LRP1B: variants seen among roughly 807,000 people sequenced by gnomAD.
LRP1B encodes the protein LDL receptor related protein 1B, also known as low-density lipoprotein receptor-related protein 1B.
In LRP1B, 217 loss-of-function variants were observed where a neutral mutation model predicts 556.6. The observed-to-expected ratio is 0.39, with a 90% CI of 0.35 to 0.44. The LOEUF is 0.44. Ranked by LOEUF, LRP1B falls within the 20% of genes least tolerant of loss-of-function variation. LRP1B has a pLI of 1.00. For synonymous variants in LRP1B, 2,047 were observed against 1,865.8 expected, an observed-to-expected ratio of 1.10 and a Z score of -2.50; for missense variants, 5,053 against 5,620.8, an observed-to-expected ratio of 0.90 and a Z score of 3.23.
At chr2:140,795,531 A>G (rs545843793) in intron 32 of LRP1B, among the ~76,000 whole-genome samples, 1 of 152,272 alleles carries the variant, frequency 6.6e-6, no homozygotes, top group African/African-American at 2.4e-5. Context: ...CAAAGTTGTA[A>G]TGTTTAATAC....
chr2:141,062,816 C>A (rs1270790851), intron 7 of LRP1B, among the ~76,000 whole-genome samples: 2 of 151,788 alleles, frequency 1.3e-5, no homozygotes, highest in South Asian at 2.1e-4. Flanking sequence ...CATAAATAAT[C>A]AATTCCCCAC....
rs943459091 is a variant in LRP1B at position 141,012,546 on chromosome 2, A to C, written c.2380+1010T>G. Among the ~76,000 whole-genome samples the C allele has an allele frequency of 7.2e-5, 11 of 151,958 alleles. No homozygotes were observed. In the East Asian group the frequency reaches 2.1e-3, roughly 29 times the overall value. On this transcript the variant is annotated intron_variant, in intron 14 of 90. Transcript: ENST00000389484. ...TCCATAGCTATGGCTTGTGCCATCC[A>C]AATAATTTAAGTTTTATTCTTCTAA...
chr2:141,949,550 C>A (rs987117972), intron 1 of LRP1B, among the ~76,000 whole-genome samples: 2 of 152,096 alleles, frequency 1.3e-5, no homozygotes, highest in African/African-American at 4.8e-5. Context: ...CCACCATGCC[C>A]AGCTAATTTT....
intron 61 of LRP1B, among the ~76,000 whole-genome samples, chr2:140,456,961 C>G (rs1480903948): frequency 6.6e-6 from 1 of 152,096 alleles, no homozygotes; most frequent in East Asian, 1.9e-4. Flanking sequence ...TGATCTACAA[C>G]TACTAGTGTA....
chr2:140,807,055 T>G (rs1259136565), intron 32 of LRP1B, among the ~76,000 whole-genome samples: 1 of 152,198 alleles, frequency 6.6e-6, no homozygotes, highest in Non-Finnish European at 1.5e-5. Flanking sequence ...AGTTTTAAAG[T>G]CCTGCTCCTC....
chr2:140,834,565 G>A (rs1176267235), intron 31 of LRP1B, among the ~76,000 whole-genome samples: 2 of 152,108 alleles, frequency 1.3e-5, no homozygotes, highest in African/African-American at 4.8e-5. Flanking sequence ...TTTCGGCTTT[G>A]CTCTTTCCTC....
chr2:141,511,040 T>C (rs1396911985), intron 2 of LRP1B, among the ~76,000 whole-genome samples: 1 of 152,088 alleles, frequency 6.6e-6, no homozygotes, highest in Non-Finnish European at 1.5e-5. Context: ...CTTAAGGTAA[T>C]AAGGTTAGAG....
chr2:140,430,163 A>G (rs1230222859), intron 66 of LRP1B, among the ~76,000 whole-genome samples: 1 of 152,138 alleles, frequency 6.6e-6, no homozygotes, highest in Admixed American at 6.5e-5. Context: ...CACCAGCAAA[A>G]GCAGGCTATG....
intron 1 of LRP1B, among the ~76,000 whole-genome samples, chr2:142,051,219 T>C (rs765856229): frequency 6.6e-6 from 1 of 152,078 alleles, no homozygotes; most frequent in Non-Finnish European, 1.5e-5. Flanking sequence ...GGAAAGGACA[T>C]TCACGTAGGA....
At chr2:141,071,050 C>A (rs1255660114) in intron 7 of LRP1B, among the ~76,000 whole-genome samples, 3 of 151,562 alleles carry the variant, frequency 2.0e-5, no homozygotes, top group East Asian at 1.9e-4. Flanking sequence ...GAGACACAAC[C>A]AAAAAAGAGA....
At chr2:141,227,368 A>G (rs916150221) in intron 6 of LRP1B, among the ~76,000 whole-genome samples, 1 of 152,196 alleles carries the variant, frequency 6.6e-6, no homozygotes, top group Non-Finnish European at 1.5e-5. Context: ...GTAATCACTA[A>G]TGTAGCAAGG....
intron 72 of LRP1B, among the ~76,000 whole-genome samples, chr2:140,361,341 CATATATATATATATATATATATATATAT>C (rs67208978): frequency 2.9e-4 from 9 of 30,714 alleles, no homozygotes; most frequent in Non-Finnish European, 3.9e-4. Flanking sequence ...ACTTGGAAAG[CATATATATATATATATATATATATATAT>C]ATATATATAT....
At chr2:141,825,275 A>T (rs1696884920) in intron 1 of LRP1B, among the ~76,000 whole-genome samples, 1 of 152,222 alleles carries the variant, frequency 6.6e-6, no homozygotes, top group Non-Finnish European at 1.5e-5. Flanking sequence ...GATGGGGGCA[A>T]TCATGAAGGT....
At chr2:140,748,128 T>C (rs1368069526) in intron 35 of LRP1B, among the ~76,000 whole-genome samples, 2 of 54,712 alleles carry the variant, frequency 3.7e-5, no homozygotes, top group Non-Finnish European at 7.5e-5. Flanking sequence ...TATATATATA[T>C]ATATATATAA....
At chr2:141,763,403 A>C (rs1450536418) in intron 2 of LRP1B, among the ~76,000 whole-genome samples, 2 of 152,176 alleles carry the variant, frequency 1.3e-5, no homozygotes, top group Non-Finnish European at 2.9e-5. Flanking sequence ...TTTAAAAGTT[A>C]GTAAATATAG....
chr2:140,613,376 T>G (rs34154771), intron 41 of LRP1B, among the ~76,000 whole-genome samples: 19,043 of 104,932 alleles, frequency 0.18, 3,805 homozygotes, highest in Middle Eastern at 0.24. Flanking sequence ...TATAAATATA[T>G]ATAATTATAT....
chr2:142,049,600 T>G (rs546105238), intron 1 of LRP1B, among the ~76,000 whole-genome samples: 1 of 152,220 alleles, frequency 6.6e-6, no homozygotes, highest in South Asian at 2.1e-4. Flanking sequence ...ACATAGTCTT[T>G]CTTCCTTCTT....
Position 140,335,778 on chromosome 2 carries a change from A to G in LRP1B, c.11953T>C (p.Trp3985Arg). 6.2e-7 allele frequency: 1 copy of G among 1,612,964 alleles called. No individual in the cohort carries two copies. The highest frequency in any genetic ancestry group is 8.5e-7 in the Non-Finnish European group (1 of 1,179,334). The change falls in exon 78 of 91, where the codon TGG (tryptophan) becomes CGG (arginine). Residue 3985 changes from tryptophan (W) to arginine (R), a missense_variant. This residue lies in a region of LRP1B where 599 missense variants were observed against 648.4 expected (regional missense o/e 0.92). Transcript: ENST00000389484. ...CAATGCATTCTAGAATGATCAGTCC[A>G]GTAAATGTTTCCAGCCACCCAGTCA... The part of the protein sequence containing the change: ...AVDWVAGNIY[W>R]TDHSRMHWFS...
intron 66 of LRP1B, among the ~76,000 whole-genome samples, chr2:140,392,180 C>A (rs1335169436): frequency 6.6e-6 from 1 of 152,160 alleles, no homozygotes; most frequent in Non-Finnish European, 1.5e-5. Context: ...TCTTTCATTT[C>A]ATTCTTAAAT....
Sources: gnomAD v4.1 joint callset for allele counts (sites outside exome capture counted in the v4.1 genomes callset) on GRCh38, gnomAD v4.1.1 for gene constraint, gnomAD v4.1.1 regional missense constraint, MANE v1.5 for transcripts, NCBI Gene and HGNC (gene_info 2026-07-23, HGNC 2026-07-21) for gene names.